Variants in TYSND1 observed in about 807,000 individuals in gnomAD.
TYSND1 encodes peroxisomal leader peptide-processing protease.
A neutral mutation model predicts 37.2 loss-of-function variants in TYSND1; 30 were observed. The ratio of observed to expected loss-of-function variants is 0.81; its 90% confidence interval spans 0.60 to 1.09. The LOEUF (loss-of-function observed/expected upper bound fraction) is 1.09, where lower values mean the gene tolerates loss of function less well. Ranked by LOEUF, TYSND1 falls within the 50% of genes least tolerant of loss-of-function variation. The pLI, the probability that TYSND1 is intolerant of heterozygous loss-of-function variation, is 0.00. For synonymous variants in TYSND1, 364 were observed against 383.8 expected (o/e 0.95, Z 0.60); for missense variants, 806 against 817.4 (o/e 0.99, Z 0.17).
At chr10:70,144,353 CCAAA>C (rs1047626808) in intron 1 of TYSND1, 108 of 637,582 alleles carry the variant, frequency 1.7e-4, no homozygotes, top group Middle Eastern at 7.4e-4. Context: ...ATTCCCAACA[CCAAA>C]CAAAGTGGGA....
In TYSND1 at chr10:70,144,467, G is replaced by A. The variant is rs552857723; in HGVS notation, c.1167-495C>T. ...AGATATGACATGGTTTCACTCCTCTGGGTCCCTATTTACGTACACGCTAAC... is the reference window on the plus strand; with the variant it reads ...AGATATGACATGGTTTCACTCCTCTAGGTCCCTATTTACGTACACGCTAAC... On this transcript the variant is annotated intron_variant, in intron 1 of 3. Coordinates refer to ENST00000287078, the MANE Select transcript of TYSND1 (RefSeq NM_173555.4). 3 of 995,196 alleles carry A rather than the reference G, an allele frequency of 3.0e-6. No homozygotes were observed. The African/African-American group carries it at 5.2e-5, about 17-fold the overall frequency. 61.6% of individuals were successfully genotyped at this position (995,196 alleles called of 1,614,324 possible).
In TYSND1 at chr10:70,146,128, G is replaced by A. The variant is rs1839215134; in HGVS notation, c.459C>T (p.Asp153=). The change falls in exon 1 of 4, where the codon GAC becomes GAT. Residue 153 remains aspartate (D), a synonymous_variant. Transcript: ENST00000287078. ...FWAHFARLFG[D]EAAEQWRFSS... Reference sequence around the variant, plus strand: ...AGAAGCGCCACTGTTCCGCTGCCTCGTCCCCGAAGAGGCGCGCGAAGTGGG... The same window carrying A: ...AGAAGCGCCACTGTTCCGCTGCCTCATCCCCGAAGAGGCGCGCGAAGTGGG... 1.9e-6 allele frequency: 3 copies of A among 1,559,136 alleles called. No individual in the cohort carries two copies. Among genetic ancestry groups the A allele is most frequent in the Non-Finnish European group, 8.7e-7 (1 of 1,153,410 alleles).
At position 70,146,687 on chromosome 10, in the gene TYSND1, G is replaced by A. The variant is rs898740166; in HGVS notation, c.-101C>T. 34 of 1,231,678 alleles carry A rather than the reference G, an allele frequency of 2.8e-5. No homozygotes were observed. The highest frequency in any genetic ancestry group is 3.4e-5 in the Non-Finnish European group (32 of 932,978). The allele number at this position is 1,231,678 out of a possible 1,614,324, so 76.3% of individuals were successfully genotyped here. A position where few individuals can be genotyped will look rare whatever the true frequency, so the allele number is the denominator to read the frequency against. Reference sequence around the variant, plus strand: ...CTGAAGCTGCCTAGCGCCACCCACAGCTGGAAGCGAGAGGCGCAAGCTCTG... The same window carrying A: ...CTGAAGCTGCCTAGCGCCACCCACAACTGGAAGCGAGAGGCGCAAGCTCTG... On this transcript the variant is annotated 5_prime_UTR_variant, in exon 1 of 4. Coordinates refer to ENST00000287078, the MANE Select transcript of TYSND1 (RefSeq NM_173555.4).
At position 70,146,425 on chromosome 10, in the gene TYSND1, G is replaced by T. The variant is rs996568605; in HGVS notation, c.162C>A (p.Val54=). ...CTTCGCTGCCAGCTCGCAGGAAGGG[G>T]ACGAAGATGCCCCCGTGGCAAAGCA... ...GLVLCHGGIF[V]PFLRAGSEVL... is the part of the protein sequence containing the mutation. Residue 54 remains valine, a synonymous_variant, in exon 1 of 4, where the codon GTC becomes GTA. Coordinates refer to ENST00000287078, the MANE Select transcript of TYSND1 (RefSeq NM_173555.4). 10 of 1,602,070 alleles carry T rather than the reference G, an allele frequency of 6.2e-6. No individual in the cohort carries two copies. The highest frequency in any genetic ancestry group is 1.7e-4 in the Middle Eastern group (1 of 6,036).
At chr10:70,144,070 TG>T in intron 1 of TYSND1, 98 bp from the exon 2 acceptor site, 1 of 1,513,290 alleles carries the variant, frequency 6.6e-7, no homozygotes, top group South Asian at 1.2e-5. Flanking sequence ...TCAGAAGATC[TG>T]GGTATCAGCC....
chr10:70,143,797 T>C (rs2072827630), intron 2 of TYSND1, 45 bp downstream of exon 2: 1 of 1,610,562 alleles, frequency 6.2e-7, no homozygotes. Context: ...AGGCCCACCC[T>C]AGCTCAGAGG....
In TYSND1 at chr10:70,146,641, G is replaced by T; in HGVS notation, c.-55C>A. 1.4e-6 allele frequency: 2 copies of T among 1,441,746 alleles called. No individual in the cohort carries two copies. The highest frequency in any genetic ancestry group is 1.8e-6 in the Non-Finnish European group (2 of 1,100,638). 89.3% of individuals were successfully genotyped at this position (1,441,746 alleles called of 1,614,324 possible). A position where few individuals can be genotyped will look rare whatever the true frequency, so the allele number is the denominator to read the frequency against. On this transcript the variant is annotated 5_prime_UTR_variant, in exon 1 of 4. Transcript: ENST00000287078. ...TCCGAGAAACAGCAAGCTAGCGAGC[G>T]AGGACCCCTACCCGGTCCGGCTGAA...
chr10:70,144,003 G>A, intron 1 of TYSND1, 31 bp from the exon 2 acceptor site: 1 of 1,613,524 alleles, frequency 6.2e-7, no homozygotes, highest in South Asian at 1.1e-5. Flanking sequence ...TGACAGGCTA[G>A]CTTTCTGACT....
intron 3 of TYSND1, 35 bp from the exon 4 acceptor site, chr10:70,140,176 G>A (rs1257988244): frequency 1.3e-6 from 2 of 1,545,620 alleles, no homozygotes; most frequent in South Asian, 1.2e-5. Flanking sequence ...GAGGATGTGA[G>A]CCAGGGGGCA....
rs1328406219 is a variant in TYSND1 at position 70,144,420 on chromosome 10, C to G, written c.1167-448G>C. 1.1e-5 allele frequency: 11 copies of G among 979,748 alleles called. No individual in the cohort carries two copies. In the Admixed American group the frequency reaches 5.5e-4, roughly 49 times the overall value. The allele number at this position is 979,748 out of a possible 1,614,324, so 60.7% of individuals were successfully genotyped here. A position where few individuals can be genotyped will look rare whatever the true frequency, so the allele number is the denominator to read the frequency against. On this transcript the variant is annotated intron_variant, in intron 1 of 3. Transcript: ENST00000287078. ...TTCACTGCCTCGTTGATACCCACAA[C>G]AATCCCGTCAGTTGGTGGGTCAGAT... is the stretch of plus-strand genomic sequence containing the variant.
At position 70,145,449 on chromosome 10, in the gene TYSND1, TG is replaced by T; in HGVS notation, c.1137del (p.Arg380GlyfsTer30). 1 of 1,469,376 alleles carries T rather than the reference TG, an allele frequency of 6.8e-7. No homozygotes were observed. The allele number at this position is 1,469,376 out of a possible 1,614,324, so 91.0% of individuals were successfully genotyped here. On this transcript the variant is annotated frameshift_variant, in exon 1 of 4. Coordinates refer to ENST00000287078, the MANE Select transcript of TYSND1 (RefSeq NM_173555.4). LOFTEE classifies it high-confidence loss of function. Reference protein sequence around the residue: ...TCRHVSPREAARVLVRSTTPK... With the variant: ...TCRHVSPREAXRVLVRSTTPK... ...GGGGTGGTGGAGCGCACCAGGACCC[TG>T]GCTGCTTCCCGAGGGGACACGTGCC...
In TYSND1 at chr10:70,145,580, AG is replaced by A; in HGVS notation, c.1006del (p.Leu336SerfsTer32). ...TGCCCACAGGGGCCCGGAGTCTCGG[AG>A]GGGCAGACCCCACGGGACGCCCACC... is the stretch of plus-strand genomic sequence containing the variant. The part of the protein sequence containing the change: ...PEVGVPWGLP[L>X]RDSGPLWAAA... On this transcript the variant is annotated frameshift_variant, in exon 1 of 4. Transcript: ENST00000287078. LOFTEE classifies it high-confidence loss of function. 6.8e-7 allele frequency: 1 copy of A among 1,474,252 alleles called. No homozygotes were observed. Among genetic ancestry groups the A allele is most frequent in the Non-Finnish European group, 9.0e-7 (1 of 1,116,850 alleles). The allele number at this position is 1,474,252 out of a possible 1,614,324, so 91.3% of individuals were successfully genotyped here.
intron 2 of TYSND1, 22 bp from the exon 3 acceptor site, chr10:70,142,875 TGAA>T: frequency 6.2e-7 from 1 of 1,610,440 alleles, no homozygotes; most frequent in Admixed American, 1.7e-5. Flanking sequence ...GGAAGGAGGG[TGAA>T]GCTGGGGACA....
At chr10:70,143,556 C>A (rs879453629) in intron 2 of TYSND1, among the ~76,000 whole-genome samples, 1 of 152,230 alleles carries the variant, frequency 6.6e-6, no homozygotes, top group Admixed American at 6.5e-5. Context: ...GCCCCTGGAG[C>A]CTTGAAAGTG....
intron 2 of TYSND1, among the ~76,000 whole-genome samples, chr10:70,143,522 C>T (rs1193845943): frequency 2.6e-5 from 4 of 152,228 alleles, no homozygotes; most frequent in African/African-American, 9.6e-5. Context: ...GTGGCAGCAT[C>T]ACAAAGCCTT....
Position 70,145,939 on chromosome 10 carries a change from A to G in TYSND1, c.648T>C (p.Gly216=), listed in dbSNP as rs10999158. ...GGGAGCCGCAGACCAGCAATGGCGC[A>G]CCCTTGGGCACGGCCCCGAGAGGCG... The part of the protein sequence containing the change: ...AVSPLGAVPK[G]APLLVCGSPF... The change falls in exon 1 of 4, where the codon GGT becomes GGC. Residue 216 remains glycine (G), a synonymous_variant. Coordinates refer to ENST00000287078, the MANE Select transcript of TYSND1 (RefSeq NM_173555.4). 657,614 of 1,553,214 alleles carry G rather than the reference A, an allele frequency of 0.42. 143,932 individuals are homozygous for G. The highest frequency in any genetic ancestry group is 0.45 in the Non-Finnish European group (514,125 of 1,149,440).
At chr10:70,143,697 A>G in intron 2 of TYSND1, 145 bp downstream of exon 2, 1 of 978,602 alleles carries the variant, frequency 1.0e-6, no homozygotes. Context: ...CATGTGCCCC[A>G]CCAGCACAAA....
chr10:70,139,680 A>T lies in TYSND1; in HGVS notation c.*244T>A, dbSNP rs2072728423. On this transcript the variant is annotated 3_prime_UTR_variant, in exon 4 of 4. Transcript: ENST00000287078. ...AAACAATACAGCTGAGTCTAGTGCT[A>T]GGGGACAGAGAACTGGGGGCTCAAG... 5.0e-5 allele frequency: 25 copies of T among 499,282 alleles called. No homozygotes were observed. In the South Asian group the frequency reaches 7.5e-4, roughly 15 times the overall value. The allele number at this position is 499,282 out of a possible 1,614,324, so 30.9% of individuals were successfully genotyped here.
intron 3 of TYSND1, among the ~76,000 whole-genome samples, chr10:70,140,543 G>C (rs1219398728): frequency 1.3e-5 from 1 of 76,800 alleles, no homozygotes; most frequent in African/African-American, 4.2e-5. Context: ...ATGAATGAAT[G>C]AATGAATGAA....
Sources: allele counts gnomAD v4.1 joint callset (sites outside exome capture counted in the v4.1 genomes callset), GRCh38; gene constraint gnomAD v4.1.1; transcripts MANE v1.5; gene names NCBI Gene and HGNC (gene_info 2026-07-23, HGNC 2026-07-21).